The following RAB28 variants were observed in gnomAD, a reference collection of about 807,000 sequenced individuals.
The protein encoded by RAB28 is ras-related protein Rab-28.
RAB28 carries 24 observed loss-of-function variants against 31.7 expected under a neutral mutation model. The observed-to-expected ratio is 0.76, with a 90% CI of 0.55 to 1.06. RAB28 has a LOEUF of 1.06. Ranked by LOEUF, RAB28 falls within the 50% of genes least tolerant of loss-of-function variation. RAB28 has a pLI of 0.00. For missense variants in RAB28, 254 were observed against 258.5 expected (o/e 0.98, Z 0.12); for synonymous variants, 100 against 90.4 (o/e 1.11, Z -0.60).
chr4:13,376,345 GT>G, intron 6 of RAB28, among the ~76,000 whole-genome samples, 199 bp downstream of exon 6: 1 of 152,132 alleles, frequency 6.6e-6, no homozygotes, highest in South Asian at 2.1e-4. Flanking sequence ...ACAAAATGAG[GT>G]TTCAAGGGTA....
chr4:13,450,196 T>A (rs1714889143), intron 4 of RAB28, among the ~76,000 whole-genome samples: 1 of 151,816 alleles, frequency 6.6e-6, no homozygotes, highest in Non-Finnish European at 1.5e-5. Context: ...AAATTGTAAA[T>A]AAAAAGTCAA....
chr4:13,477,494 A>G (rs1453799341), intron 2 of RAB28, among the ~76,000 whole-genome samples: 1 of 151,640 alleles, frequency 6.6e-6, no homozygotes, highest in Non-Finnish European at 1.5e-5. Context: ...ACATTAAAGT[A>G]TATAAAGGAT....
chr4:13,383,079 C>T lies in RAB28; in HGVS notation c.392-1485G>A, dbSNP rs145439062. Among the ~76,000 whole-genome samples, 116 of 152,152 alleles carry T rather than the reference C, an allele frequency of 7.6e-4. 2 individuals carry two copies. Among genetic ancestry groups the T allele is most frequent in the Admixed American group, 6.3e-3 (97 of 15,284 alleles). ...TTAAACATCACTATCTCCTTATTTA[C>T]AAGAACAGGCAAGGAATGTCCAGAT... On this transcript the variant is annotated intron_variant, in intron 4 of 6. Transcript: ENST00000330852.
intron 5 of RAB28, among the ~76,000 whole-genome samples, chr4:13,380,665 T>C (rs1370094919): frequency 6.6e-6 from 1 of 152,118 alleles, no homozygotes; most frequent in African/African-American, 2.4e-5. Context: ...ATGGCAATCA[T>C]ACAATGCTGG....
chr4:13,435,895 A>ATT (rs1714072743), intron 4 of RAB28, among the ~76,000 whole-genome samples: 1 of 152,198 alleles, frequency 6.6e-6, no homozygotes, highest in South Asian at 2.1e-4. Context: ...TCCTGATAAC[A>ATT]AAATGTGGCA....
At position 13,428,866 on chromosome 4, in the gene RAB28, A is replaced by C. The variant is rs553021167; in HGVS notation, c.391+31833T>G. Among the ~76,000 whole-genome samples the C allele has an allele frequency of 2.6e-5, 4 of 152,244 alleles. No homozygotes were observed. In the East Asian group the frequency reaches 7.7e-4, roughly 29 times the overall value. ...ACATATATCATAATAACACTGAAAT[A>C]AAGGGGAAAAAAAATAAATGATCAT... On this transcript the variant is annotated intron_variant, in intron 4 of 6. Coordinates refer to ENST00000330852, the MANE Select transcript of RAB28 (RefSeq NM_001017979.3).
intron 4 of RAB28, among the ~76,000 whole-genome samples, chr4:13,418,428 A>T (rs562612036): frequency 6.6e-6 from 1 of 152,186 alleles, no homozygotes; most frequent in Non-Finnish European, 1.5e-5. Context: ...CCTCAAGAAG[A>T]GCAACCCCAA....
chr4:13,459,634 C>T (rs995109553), intron 4 of RAB28: 29 of 482,390 alleles, frequency 6.0e-5, no homozygotes, highest in Non-Finnish European at 7.0e-5. Context: ...TACTAACAAA[C>T]CCATAATTTT....
chr4:13,418,268 T>C (rs1412921359), intron 4 of RAB28, among the ~76,000 whole-genome samples: 1 of 152,160 alleles, frequency 6.6e-6, no homozygotes, highest in Non-Finnish European at 1.5e-5. Flanking sequence ...AGACCAAATC[T>C]ACATTTGATT....
intron 4 of RAB28, among the ~76,000 whole-genome samples, chr4:13,405,320 T>G (rs1250576637): frequency 6.6e-6 from 1 of 152,190 alleles, no homozygotes; most frequent in East Asian, 1.9e-4. Flanking sequence ...ATGGGTGCAA[T>G]ATGTTCTATG....
At chr4:13,371,409 C>T (rs1161728747) in intron 6 of RAB28, 1 of 985,066 alleles carries the variant, frequency 1.0e-6, no homozygotes, top group Non-Finnish European at 1.2e-6. Context: ...AATCAGTAAG[C>T]AACTCATTAA....
In RAB28 at chr4:13,381,493, A is replaced by G; in HGVS notation, c.493T>C (p.Ser165Pro). ...SHFVSAKTGD[S>P]VFLCFQKVAA... ...ACAGTATTCATTATTTTACTTACAG[A>G]GTCTCCTGTCTTGGCTGAGACAAAG... The change falls in exon 5 of 7, where the codon TCT becomes CCT. Residue 165 changes from serine to proline, a missense_variant and splice_region_variant. Coordinates refer to ENST00000330852, the MANE Select transcript of RAB28 (RefSeq NM_001017979.3). 1 of 1,596,054 alleles carries G rather than the reference A, an allele frequency of 6.3e-7. No individual in the cohort carries two copies. The highest frequency in any genetic ancestry group is 8.6e-7 in the Non-Finnish European group (1 of 1,164,700).
chr4:13,446,956 A>C (rs1560135404), intron 4 of RAB28, among the ~76,000 whole-genome samples: 1 of 152,118 alleles, frequency 6.6e-6, no homozygotes. Context: ...TATTCCTCTT[A>C]ACAGTTTTAC....
chr4:13,415,447 G>A (rs1712707399), intron 4 of RAB28, among the ~76,000 whole-genome samples: 1 of 152,184 alleles, frequency 6.6e-6, no homozygotes, highest in Admixed American at 6.5e-5. Flanking sequence ...GCAGGCCAGT[G>A]CAAGTTCAGG....
At chr4:13,404,259 T>G (rs931249036) in intron 4 of RAB28, among the ~76,000 whole-genome samples, 2 of 152,194 alleles carry the variant, frequency 1.3e-5, no homozygotes, top group Admixed American at 6.5e-5. Context: ...ATGCCTATAA[T>G]CCCAGCTACT....
At chr4:13,413,404 T>G (rs1007701232) in intron 4 of RAB28, among the ~76,000 whole-genome samples, 1 of 152,264 alleles carries the variant, frequency 6.6e-6, no homozygotes, top group Non-Finnish European at 1.5e-5. Flanking sequence ...CCAGCCAGTA[T>G]GTTATTTAAA....
chr4:13,419,131 C>A (rs867500733), intron 4 of RAB28, among the ~76,000 whole-genome samples: 9 of 151,778 alleles, frequency 5.9e-5, no homozygotes, highest in African/African-American at 1.9e-4. Flanking sequence ...ATTAAAAAAA[C>A]AAAGATCAAA....
chr4:13,392,445 A>T (rs994014453), intron 4 of RAB28, among the ~76,000 whole-genome samples: 1 of 152,192 alleles, frequency 6.6e-6, no homozygotes, highest in African/African-American at 2.4e-5. Flanking sequence ...CCATACAAGA[A>T]ATAACTTTTC....
At chr4:13,379,279 T>G (rs1173402796) in intron 5 of RAB28, among the ~76,000 whole-genome samples, 1 of 149,860 alleles carries the variant, frequency 6.7e-6, no homozygotes, top group East Asian at 2.0e-4. Flanking sequence ...AGAGCATAAT[T>G]ACTGAGCAGC....
Sources: allele counts gnomAD v4.1 joint callset (sites outside exome capture counted in the v4.1 genomes callset), GRCh38; gene constraint gnomAD v4.1.1; transcripts MANE v1.5; gene names NCBI Gene and HGNC (gene_info 2026-07-23, HGNC 2026-07-21).